The following ARHGAP31 variants were observed in gnomAD, a reference collection of about 807,000 sequenced individuals.
ARHGAP31 encodes rho GTPase-activating protein 31.
In ARHGAP31, 34 loss-of-function variants were observed where a neutral mutation model predicts 113.9. The observed-to-expected ratio is 0.30, with a 90% CI of 0.23 to 0.40. The LOEUF is 0.40. ARHGAP31 is among the 10% of genes least tolerant of loss of function. The pLI is 1.00. For synonymous variants in ARHGAP31, 650 were observed against 684.8 expected (o/e 0.95, Z 0.79); for missense variants, 1,548 against 1,767.1 (o/e 0.88, Z 2.22).
intron 9 of ARHGAP31, among the ~76,000 whole-genome samples, chr3:119,401,130 C>T (rs1236076029): frequency 1.3e-4 from 20 of 148,986 alleles, no homozygotes; most frequent in Admixed American, 1.3e-3. Context: ...GAGATCACGA[C>T]ACTGCACTCC....
In ARHGAP31 at chr3:119,294,796, C is replaced by T. The variant is rs1576979750; in HGVS notation, c.-109C>T. On this transcript the variant is annotated 5_prime_UTR_variant, in exon 1 of 12. Coordinates refer to ENST00000264245, the MANE Select transcript of ARHGAP31 (RefSeq NM_020754.4). ...CAAGTTCTTCCATCTTCCGATGCGG[C>T]CCCCCAGAGCCGCGGGGCAGCCGGT... is the stretch of plus-strand genomic sequence containing the variant. 4.8e-6 allele frequency: 5 copies of T among 1,039,988 alleles called. No homozygotes were observed. The highest frequency in any genetic ancestry group is 2.4e-5 in the East Asian group (1 of 41,530). 64.4% of individuals were successfully genotyped at this position (1,039,988 alleles called of 1,614,324 possible). A position where few individuals can be genotyped will look rare whatever the true frequency, so the allele number is the denominator to read the frequency against.
At chr3:119,351,763 C>T (rs183606257) in intron 1 of ARHGAP31, among the ~76,000 whole-genome samples, 1 of 152,312 alleles carries the variant, frequency 6.6e-6, no homozygotes, top group Admixed American at 6.5e-5. Context: ...GACCTTCTCC[C>T]CTGGGGCTCA....
intron 1 of ARHGAP31, among the ~76,000 whole-genome samples, chr3:119,336,267 C>T (rs1277695704): frequency 6.6e-6 from 1 of 152,180 alleles, no homozygotes; most frequent in African/African-American, 2.4e-5. Context: ...TGAAATGGCT[C>T]TTGACTTCCT....
At chr3:119,314,099 T>A (rs1025642471) in intron 1 of ARHGAP31, among the ~76,000 whole-genome samples, 2 of 152,208 alleles carry the variant, frequency 1.3e-5, no homozygotes, top group Non-Finnish European at 2.9e-5. Context: ...CAGAGCATTA[T>A]CCCTGGCCAC....
chr3:119,375,583 C>T (rs1020436696), intron 3 of ARHGAP31, among the ~76,000 whole-genome samples: 5 of 152,068 alleles, frequency 3.3e-5, no homozygotes, highest in Admixed American at 6.5e-5. Context: ...TTGATATCGT[C>T]GGGAGCAATT....
chr3:119,309,075 C>T (rs79583568), intron 1 of ARHGAP31, among the ~76,000 whole-genome samples: 13,354 of 152,232 alleles, frequency 0.088, 774 homozygotes, highest in Non-Finnish European at 0.12. Flanking sequence ...CTCCTGGACT[C>T]AAGTATTCCA....
At chr3:119,325,632 A>G (rs867866867) in intron 1 of ARHGAP31, among the ~76,000 whole-genome samples, 27 of 103,902 alleles carry the variant, frequency 2.6e-4, no homozygotes, top group Admixed American at 6.7e-4. Context: ...ATACCCAAGA[A>G]TCCACCTGGT....
intron 1 of ARHGAP31, among the ~76,000 whole-genome samples, chr3:119,331,619 A>G (rs984631006): frequency 2.6e-5 from 4 of 152,324 alleles, no homozygotes; most frequent in Admixed American, 2.6e-4. Flanking sequence ...AATGACAAAA[A>G]GAAAACAGCT....
chr3:119,294,863 G>A lies in ARHGAP31; in HGVS notation c.-42G>A. 6.3e-7 allele frequency: 1 copy of A among 1,578,302 alleles called. No homozygotes were observed. The highest frequency in any genetic ancestry group is 8.7e-7 in the Non-Finnish European group (1 of 1,148,042). Reference sequence around the variant, plus strand: ...CCATCTTACAGCGGTGCCAAGCAGAGGGGCGGCAGAGACGGAGGGGCAGCC... The same window carrying A: ...CCATCTTACAGCGGTGCCAAGCAGAAGGGCGGCAGAGACGGAGGGGCAGCC... On this transcript the variant is annotated 5_prime_UTR_variant, in exon 1 of 12. Coordinates refer to ENST00000264245, the MANE Select transcript of ARHGAP31 (RefSeq NM_020754.4).
chr3:119,363,107 G>T (rs1044180907), intron 1 of ARHGAP31, among the ~76,000 whole-genome samples: 1 of 152,052 alleles, frequency 6.6e-6, no homozygotes, highest in Non-Finnish European at 1.5e-5. Context: ...TTTGGTATCC[G>T]AATCTGCACT....
chr3:119,308,998 C>T (rs560370005), intron 1 of ARHGAP31, among the ~76,000 whole-genome samples: 20 of 152,188 alleles, frequency 1.3e-4, no homozygotes, highest in East Asian at 1.9e-4. Flanking sequence ...TGCACCCCCA[C>T]GCCTGGCTAA....
At chr3:119,321,283 A>ATATATATATAGTATATATATAC (rs1559965801) in intron 1 of ARHGAP31, among the ~76,000 whole-genome samples, 1 of 145,854 alleles carries the variant, frequency 6.9e-6, no homozygotes, top group Non-Finnish European at 1.5e-5. Context: ...TATATACTAT[A>ATATATATATAGTATATATATAC]TATATATATA....
intron 1 of ARHGAP31, among the ~76,000 whole-genome samples, chr3:119,334,712 T>A (rs1307098997): frequency 6.6e-6 from 1 of 152,212 alleles, no homozygotes; most frequent in Non-Finnish European, 1.5e-5. Flanking sequence ...AAGTCCACGT[T>A]TATTGGAGGC....
At chr3:119,387,321 T>C (rs916862480) in intron 6 of ARHGAP31, among the ~76,000 whole-genome samples, 5 of 152,202 alleles carry the variant, frequency 3.3e-5, no homozygotes, top group Admixed American at 2.6e-4. Context: ...TCAGCTCCTA[T>C]CTCTATATGG....
At chr3:119,296,902 C>A in intron 1 of ARHGAP31, among the ~76,000 whole-genome samples, 1 of 152,312 alleles carries the variant, frequency 6.6e-6, no homozygotes, top group South Asian at 2.1e-4. Context: ...CCCTCCCTGG[C>A]CTGTTAGGTT....
intron 3 of ARHGAP31, among the ~76,000 whole-genome samples, chr3:119,379,231 A>G (rs1246450796): frequency 1.3e-5 from 2 of 152,228 alleles, no homozygotes; most frequent in Non-Finnish European, 2.9e-5. Flanking sequence ...AGGGAGACAG[A>G]CAATAAGCAA....
At chr3:119,403,492 C>A (rs1253464961) in intron 10 of ARHGAP31, among the ~76,000 whole-genome samples, 1 of 152,166 alleles carries the variant, frequency 6.6e-6, no homozygotes, top group African/African-American at 2.4e-5. Context: ...CCACAGTGAG[C>A]TCAAAAACTA....
intron 1 of ARHGAP31, among the ~76,000 whole-genome samples, chr3:119,334,477 G>A (rs910600701): frequency 2.6e-5 from 4 of 152,262 alleles, no homozygotes; most frequent in African/African-American, 9.6e-5. Context: ...TGTGATTAGG[G>A]AGCTTCAGCC....
At chr3:119,331,887 C>G (rs2079894471) in intron 1 of ARHGAP31, among the ~76,000 whole-genome samples, 1 of 152,074 alleles carries the variant, frequency 6.6e-6, no homozygotes. Context: ...TTCTGCAGGG[C>G]CTGGCTGCCT....
Sources: gnomAD v4.1 joint callset for allele counts (sites outside exome capture counted in the v4.1 genomes callset) on GRCh38, gnomAD v4.1.1 for gene constraint, MANE v1.5 for transcripts, NCBI Gene and HGNC (gene_info 2026-07-23, HGNC 2026-07-21) for gene names.